Variants in PARVB observed in about 807,000 individuals in gnomAD.
PARVB encodes parvin beta, also known as beta-parvin.
A neutral mutation model predicts 47.0 loss-of-function variants in PARVB; 46 were observed. The observed-to-expected ratio is 0.98, with a 90% confidence interval of 0.77 to 1.25. The LOEUF is 1.25. PARVB is among the 50% of genes most tolerant of loss of function. PARVB has a pLI of 0.00. For synonymous variants in PARVB, 196 were observed against 196.3 expected (o/e 1.00, Z 0.01); for missense variants, 473 against 471.6 (o/e 1.00, Z -0.03).
rs144750512 is a variant in PARVB at position 44,128,442 on chromosome 22, G to A, written c.377-3045G>A. 8.5e-3 allele frequency among the ~76,000 whole-genome samples: 1,298 copies of A among 152,310 alleles called. 11 individuals carry two copies. Among genetic ancestry groups the A allele is most frequent in the Middle Eastern group, 0.027 (8 of 294 alleles). On this transcript the variant is annotated intron_variant, in intron 4 of 12. Coordinates refer to ENST00000338758, the MANE Select transcript of PARVB (RefSeq NM_013327.5). ...GCCCTGAGCTGCTCCTGCGGCCCCC[G>A]CCAGTGGGCACAGTGATGTCTGATG...
chr22:44,018,189 G>A (rs1374667499), intron 2 of PARVB, among the ~76,000 whole-genome samples: 1 of 152,032 alleles, frequency 6.6e-6, no homozygotes, highest in Non-Finnish European at 1.5e-5. Flanking sequence ...ATCACCTGAG[G>A]TCAGGAGTTT....
intron 1 of PARVB, among the ~76,000 whole-genome samples, chr22:44,046,486 G>T (rs574909685): frequency 6.6e-6 from 1 of 152,244 alleles, no homozygotes; most frequent in African/African-American, 2.4e-5. Flanking sequence ...CTGACTGCAG[G>T]AGTGGGAAAG....
At chr22:44,165,240 C>T (rs1009787750) in intron 12 of PARVB, among the ~76,000 whole-genome samples, 2 of 152,232 alleles carry the variant, frequency 1.3e-5, no homozygotes, top group Admixed American at 6.5e-5. Flanking sequence ...TCAAGCGATT[C>T]GCCCATTACA....
Position 44,131,643 on chromosome 22 carries a change from C to T in PARVB, c.517+16C>T. On this transcript the variant is annotated intron_variant, in intron 5 of 12. Coordinates refer to ENST00000338758, the MANE Select transcript of PARVB (RefSeq NM_013327.5). ...AGCGTGGACTGTGAGTTCCACGCCA[C>T]AGGGGGAGGGACTGTCTGGAGGGAG... The T allele has an allele frequency of 6.2e-7, 1 of 1,602,940 alleles. No individual in the cohort carries two copies. Among genetic ancestry groups the T allele is most frequent in the Non-Finnish European group, 8.5e-7 (1 of 1,174,980 alleles).
At chr22:44,161,100 G>C (rs1470530950) in intron 11 of PARVB, among the ~76,000 whole-genome samples, 4 of 152,022 alleles carry the variant, frequency 2.6e-5, no homozygotes, top group Admixed American at 6.6e-5. Context: ...CTCGATTTGG[G>C]GTCAAGCCTG....
At chr22:44,016,371 C>T (rs1322714525) in intron 2 of PARVB, among the ~76,000 whole-genome samples, 3 of 152,164 alleles carry the variant, frequency 2.0e-5, no homozygotes, top group Admixed American at 1.3e-4. Context: ...GCTGGGATTA[C>T]AGGCATGAGC....
chr22:44,041,539 A>G (rs1359845177), intron 1 of PARVB, among the ~76,000 whole-genome samples: 2 of 152,128 alleles, frequency 1.3e-5, no homozygotes, highest in African/African-American at 4.8e-5. Context: ...ATGTGTTTGA[A>G]ACTTTTAATA....
intron 10 of PARVB, 41 bp downstream of exon 10, chr22:44,151,592 C>T (rs1272218262): frequency 2.0e-6 from 3 of 1,472,494 alleles, no homozygotes; most frequent in Non-Finnish European, 2.9e-6. Flanking sequence ...TGTCCACCGC[C>T]ATTTTCAGTC....
At chr22:44,129,634 C>T (rs2053266765) in intron 4 of PARVB, among the ~76,000 whole-genome samples, 1 of 152,238 alleles carries the variant, frequency 6.6e-6, no homozygotes, top group Non-Finnish European at 1.5e-5. Flanking sequence ...TACTTGCTCT[C>T]TACTTCCAGG....
Position 44,156,382 on chromosome 22 carries a change from C to T in PARVB, c.844-1600C>T, listed in dbSNP as rs533145107. Among the ~76,000 whole-genome samples the T allele has an allele frequency of 1.3e-4, 20 of 149,406 alleles. No homozygotes were observed. In the South Asian group the frequency reaches 3.6e-3, roughly 27 times the overall value. ...GCAACCTCTGCCTTCCGGGTTAAAG[C>T]GATTCTCCTGCCTCAACCTCCCGAG... On this transcript the variant is annotated intron_variant, in intron 10 of 12. Coordinates refer to ENST00000338758, the MANE Select transcript of PARVB (RefSeq NM_013327.5).
chr22:44,004,223 C>A (rs1406635586), intron 2 of PARVB, among the ~76,000 whole-genome samples: 1 of 152,232 alleles, frequency 6.6e-6, no homozygotes, highest in African/African-American at 2.4e-5. Context: ...AGCCTGGGTA[C>A]CCCCTGCTGG....
chr22:44,122,530 G>GAC (rs2053080923), intron 4 of PARVB, among the ~76,000 whole-genome samples: 1 of 80,292 alleles, frequency 1.2e-5, no homozygotes, highest in African/African-American at 6.2e-5. Context: ...CAGAGAGACA[G>GAC]AGAGAGAGAG....
rs758432776 is a variant in PARVB at position 44,096,111 on chromosome 22, G to A, written c.202+2094G>A. On this transcript the variant is annotated intron_variant, in intron 2 of 12. Coordinates refer to ENST00000338758, the MANE Select transcript of PARVB (RefSeq NM_013327.5). ...GTGGTGGCAAACACCTGAAATCCCC[G>A]CTACCTGGGAGGCTAAGTCAGGAGA... 5.9e-5 allele frequency among the ~76,000 whole-genome samples: 9 copies of A among 152,180 alleles called. No individual in the cohort carries two copies. The East Asian group carries it at 7.7e-4, about 13-fold the overall frequency.
Position 44,168,801 on chromosome 22 carries a change from C to T in PARVB, c.*123C>T. The T allele has an allele frequency of 1.5e-6, 1 of 649,890 alleles. No homozygotes were observed. The highest frequency in any genetic ancestry group is 1.8e-5 in the African/African-American group (1 of 55,072). The allele number at this position is 649,890 out of a possible 1,614,324, so 40.3% of individuals were successfully genotyped here. A position where few individuals can be genotyped will look rare whatever the true frequency, so the allele number is the denominator to read the frequency against. On this transcript the variant is annotated 3_prime_UTR_variant, in exon 13 of 13. Coordinates refer to ENST00000338758, the MANE Select transcript of PARVB (RefSeq NM_013327.5). ...TGGTCCAAGCTGTGTTGACTGTCAT[C>T]CCCACCCCACCCCTACCTCACGCCT...
intron 1 of PARVB, among the ~76,000 whole-genome samples, chr22:44,042,001 C>A (rs552307293): frequency 1.3e-5 from 2 of 152,330 alleles, no homozygotes; most frequent in East Asian, 1.9e-4. Flanking sequence ...GCCACTCCCC[C>A]ACTTTATCCA....
intron 1 of PARVB, among the ~76,000 whole-genome samples, chr22:44,057,269 C>T (rs907714976): frequency 7.9e-5 from 12 of 152,052 alleles, no homozygotes; most frequent in African/African-American, 1.4e-4. Context: ...ACATGTGGCA[C>T]GCTCAATAAA....
At chr22:44,112,128 A>T (rs1329382387) in intron 3 of PARVB, 1 of 152,376 alleles carries the variant, frequency 6.6e-6, no homozygotes, top group Admixed American at 6.5e-5. Flanking sequence ...AATTTAAATG[A>T]CATGCTTTGA....
At chr22:44,046,703 G>T (rs967836166) in intron 1 of PARVB, among the ~76,000 whole-genome samples, 4 of 152,246 alleles carry the variant, frequency 2.6e-5, no homozygotes, top group Admixed American at 2.0e-4. Flanking sequence ...GTTGGCTGGA[G>T]TGATGTGATA....
intron 4 of PARVB, among the ~76,000 whole-genome samples, chr22:44,123,338 A>G (rs1224390594): frequency 6.6e-6 from 1 of 152,200 alleles, no homozygotes; most frequent in African/African-American, 2.4e-5. Context: ...GGGAGGGTCC[A>G]GGGGCAGAGA....
Sources: gnomAD v4.1 joint callset for allele counts (sites outside exome capture counted in the v4.1 genomes callset) on GRCh38, gnomAD v4.1.1 for gene constraint, MANE v1.5 for transcripts, NCBI Gene and HGNC (gene_info 2026-07-23, HGNC 2026-07-21) for gene names.